The following KANK1 variants were observed in gnomAD, a reference collection of about 807,000 sequenced individuals.
The protein encoded by KANK1 is KN motif and ankyrin repeat domain-containing protein 1.
KANK1 carries 109 observed loss-of-function variants against 106.2 expected under a neutral mutation model. The observed-to-expected ratio is 1.03, with a 90% CI of 0.88 to 1.20. KANK1 has a LOEUF of 1.20. Ranked by LOEUF, KANK1 falls within the 50% of genes most tolerant of loss-of-function variation. The pLI is 0.00. For synonymous variants in KANK1, 873 were observed against 652.2 expected (o/e 1.34, Z -5.16); for missense variants, 2,399 against 1,710.7 (o/e 1.40, Z -7.10).
intron 1 of KANK1, among the ~76,000 whole-genome samples, chr9:554,053 AG>A (rs753441764): frequency 1.1e-3 from 161 of 152,282 alleles, no homozygotes; most frequent in Middle Eastern, 6.8e-3. Flanking sequence ...CAGCTGTATG[AG>A]GGTTCTCCAA....
chr9:670,571 G>A (rs1353547320), intron 1 of KANK1, among the ~76,000 whole-genome samples: 1 of 152,120 alleles, frequency 6.6e-6, no homozygotes, highest in Non-Finnish European at 1.5e-5. Context: ...AGGAGTTCAT[G>A]CCCAAGAGAC....
At chr9:633,088 G>A (rs1246332038) in intron 1 of KANK1, among the ~76,000 whole-genome samples, 1 of 152,042 alleles carries the variant, frequency 6.6e-6, no homozygotes, top group Non-Finnish European at 1.5e-5. Flanking sequence ...CTGTCCAATC[G>A]TGACTTTTTC....
chr9:645,013 A>C (rs1414880236), intron 1 of KANK1, among the ~76,000 whole-genome samples: 2 of 148,518 alleles, frequency 1.3e-5, no homozygotes, highest in Admixed American at 1.3e-4. Flanking sequence ...AGTCCCAGCT[A>C]CTCTGGAGGC....
chr9:690,880 G>T (rs746804228), intron 2 of KANK1, among the ~76,000 whole-genome samples: 8 of 152,178 alleles, frequency 5.3e-5, no homozygotes, highest in Non-Finnish European at 1.0e-4. Context: ...TCTCCAGCAG[G>T]TTCCTTTTCT....
chr9:554,427 G>C (rs549530569), intron 1 of KANK1, among the ~76,000 whole-genome samples: 29 of 152,288 alleles, frequency 1.9e-4, no homozygotes, highest in African/African-American at 7.0e-4. Flanking sequence ...ACACTGATGA[G>C]CATCCATGTT....
intron 1 of KANK1, among the ~76,000 whole-genome samples, chr9:676,170 C>T (rs1198485780): frequency 6.6e-6 from 1 of 152,142 alleles, no homozygotes; most frequent in East Asian, 1.9e-4. Flanking sequence ...GCTGACCTGT[C>T]TCATCCTGTG....
At chr9:615,783 A>G (rs1395478615) in intron 1 of KANK1, among the ~76,000 whole-genome samples, 1 of 152,228 alleles carries the variant, frequency 6.6e-6, no homozygotes, top group Admixed American at 6.5e-5. Context: ...AGATAGTGGT[A>G]GAGGAGATCC....
At chr9:519,810 C>T (rs767954036) in intron 1 of KANK1, among the ~76,000 whole-genome samples, 1 of 151,680 alleles carries the variant, frequency 6.6e-6, no homozygotes, top group African/African-American at 2.4e-5. Flanking sequence ...TTCTAAAGGT[C>T]AGACAAACAA....
intron 1 of KANK1, among the ~76,000 whole-genome samples, chr9:505,409 G>A (rs972916203): frequency 6.6e-6 from 1 of 152,242 alleles, no homozygotes; most frequent in East Asian, 1.9e-4. Flanking sequence ...CGCGGGCAGC[G>A]TGGGTTTCCG....
chr9:537,612 AAATAAT>A (rs1050845934), intron 1 of KANK1, among the ~76,000 whole-genome samples: 1 of 152,194 alleles, frequency 6.6e-6, no homozygotes, highest in Non-Finnish European at 1.5e-5. Context: ...GAATAACCTG[AAATAAT>A]AATAATAGGT....
intron 1 of KANK1, among the ~76,000 whole-genome samples, chr9:544,984 C>A (rs1194856982): frequency 6.6e-6 from 1 of 152,086 alleles, no homozygotes; most frequent in African/African-American, 2.4e-5. Flanking sequence ...AACGGAGGCA[C>A]CTGCAGTAAT....
chr9:686,399 G>A (rs766342546), intron 2 of KANK1, among the ~76,000 whole-genome samples: 26 of 152,164 alleles, frequency 1.7e-4, no homozygotes, highest in Admixed American at 2.6e-4. Context: ...GGAGGCAGAA[G>A]TACCTGCTGA....
At chr9:736,179 C>T (rs1035689819) in intron 7 of KANK1, among the ~76,000 whole-genome samples, 4 of 152,112 alleles carry the variant, frequency 2.6e-5, no homozygotes, top group East Asian at 3.9e-4. Context: ...AGGATGGTCT[C>T]GATCTCCTGA....
Position 713,034 on chromosome 9 carries a change from CAA to C in KANK1, c.2270_2271del (p.Lys757ArgfsTer10). The C allele has an allele frequency of 1.9e-6, 3 of 1,614,136 alleles. 1 individual carries two copies. Among genetic ancestry groups the C allele is most frequent in the Non-Finnish European group, 2.5e-6 (3 of 1,180,036 alleles). ...TTGACAGGCCATCAGCTGTGAAGACCAAAGAGTCAGGTGTGGGGCAGATAAAT... is the reference window on the plus strand; with the variant it reads ...TTGACAGGCCATCAGCTGTGAAGACCAGAGTCAGGTGTGGGGCAGATAAAT... Reference protein sequence around the residue: ...GFDRPSAVKTKESGVGQININ... With the variant: ...GFDRPSAVKTXESGVGQININ... On this transcript the variant is annotated frameshift_variant, in exon 3 of 12. Transcript: ENST00000382297. LOFTEE classifies it high-confidence loss of function.
intron 1 of KANK1, among the ~76,000 whole-genome samples, chr9:541,827 C>CGCCTGTA (rs1411203303): frequency 6.6e-6 from 1 of 152,096 alleles, no homozygotes; most frequent in Non-Finnish European, 1.5e-5. Context: ...CGGTGGCTCA[C>CGCCTGTA]GCCTGTAATC....
chr9:478,543 A>C (rs2058146404), intron 3 of KANK1: 1 of 152,256 alleles, frequency 6.6e-6, no homozygotes, highest in Admixed American at 6.5e-5. Flanking sequence ...GTCAATACCA[A>C]ATCTAATCAC....
At chr9:508,646 C>A (rs1265449951) in intron 1 of KANK1, among the ~76,000 whole-genome samples, 1 of 147,440 alleles carries the variant, frequency 6.8e-6, no homozygotes, top group Admixed American at 6.6e-5. Context: ...CAGACTCACA[C>A]GGTATATAGC....
At chr9:574,248 T>C (rs184641518) in intron 1 of KANK1, among the ~76,000 whole-genome samples, 74 of 152,340 alleles carry the variant, frequency 4.9e-4, no homozygotes, top group African/African-American at 1.6e-3. Flanking sequence ...GGATGTTGAG[T>C]GGGCAGGGCC....
intron 2 of KANK1, chr9:707,091 C>T (rs1824459502): frequency 1.0e-6 from 1 of 985,452 alleles, no homozygotes; most frequent in Non-Finnish European, 1.2e-6. Flanking sequence ...GAAAGCTCAG[C>T]CTATGGCATC....
Sources: gnomAD v4.1 joint callset for allele counts (sites outside exome capture counted in the v4.1 genomes callset) on GRCh38, gnomAD v4.1.1 for gene constraint, MANE v1.5 for transcripts, NCBI Gene and HGNC (gene_info 2026-07-23, HGNC 2026-07-21) for gene names.